Variants in RGS6 observed in about 807,000 individuals in gnomAD.
RGS6 encodes regulator of G protein signaling 6.
A neutral mutation model predicts 78.5 loss-of-function variants in RGS6; 30 were observed. That is an observed-to-expected ratio of 0.38 (90% CI 0.29 to 0.52). The LOEUF (loss-of-function observed/expected upper bound fraction) is 0.52. RGS6 is among the 20% of genes least tolerant of loss of function. RGS6 has a pLI of 0.85. For missense variants in RGS6, 495 were observed against 609.7 expected (o/e 0.81, Z 1.98); for synonymous variants, 206 against 206.0 (o/e 1.00, Z 0.00).
the RGS6 span, among the ~76,000 whole-genome samples, chr14:71,909,191 G>A: frequency 6.6e-5 from 10 of 152,188 alleles, no homozygotes; most frequent in East Asian, 1.9e-3. Context: ...AGAAAGGATG[G>A]CGTGTTCCTC....
At position 72,071,368 on chromosome 14, in the gene RGS6, A is replaced by G. The variant is rs1029584316; in HGVS notation, c.84+106493A>G. Among the ~76,000 whole-genome samples, 10 of 152,218 alleles carry G rather than the reference A, an allele frequency of 6.6e-5. No homozygotes were observed. In the South Asian group the frequency reaches 1.2e-3, roughly 19 times the overall value. On this transcript the variant is annotated intron_variant, in intron 2 of 17. Transcript: ENST00000553525. ...GTTTTGCTGCTAAGAACACTCTCGT[A>G]CATGTCTTCTGGTGCATTGTCCAGG...
chr14:72,241,783 C>A (rs2052911428), intron 2 of RGS6, among the ~76,000 whole-genome samples: 1 of 152,190 alleles, frequency 6.6e-6, no homozygotes, highest in Admixed American at 6.5e-5. Flanking sequence ...TGCCTAAAGG[C>A]ATGAACATTG....
At chr14:72,291,340 A>G (rs1344690757) in intron 2 of RGS6, among the ~76,000 whole-genome samples, 1 of 151,812 alleles carries the variant, frequency 6.6e-6, no homozygotes, top group African/African-American at 2.4e-5. Flanking sequence ...AGGAAATTCT[A>G]TTAGTTCTTC....
At chr14:72,518,710 G>A (rs1439478313) in intron 15 of RGS6, among the ~76,000 whole-genome samples, 173 bp downstream of exon 15, 3 of 152,200 alleles carry the variant, frequency 2.0e-5, no homozygotes, top group Non-Finnish European at 2.9e-5. Context: ...TCCCAGGATC[G>A]TTTTCCTAGA....
intron 15 of RGS6, among the ~76,000 whole-genome samples, chr14:72,520,169 C>G (rs564633218): frequency 1.3e-5 from 2 of 152,098 alleles, no homozygotes; most frequent in Non-Finnish European, 2.9e-5. Flanking sequence ...AAAAAAAGAT[C>G]CTTTTGTTTT....
chr14:72,077,929 A>G (rs2094646148), intron 2 of RGS6, among the ~76,000 whole-genome samples: 2 of 152,172 alleles, frequency 1.3e-5, no homozygotes, highest in South Asian at 2.1e-4. Context: ...GTACATTCAG[A>G]TTCTCAAGAA....
intron 6 of RGS6, chr14:72,464,722 G>A (rs1360500727): frequency 1.3e-5 from 2 of 152,222 alleles, no homozygotes; most frequent in African/African-American, 4.8e-5. Context: ...GGAAAGGTAG[G>A]GAGAAGAAGT....
At chr14:72,462,614 G>A (rs763236556) in intron 6 of RGS6, among the ~76,000 whole-genome samples, 9 of 152,180 alleles carry the variant, frequency 5.9e-5, no homozygotes, top group Admixed American at 1.3e-4. Flanking sequence ...GATTTTTCCA[G>A]CACCTAAAAC....
Position 72,565,897 on chromosome 14 carries a change from T to A in RGS6, c.*3430T>A, listed in dbSNP as rs2097707899. The A allele has an allele frequency of 1.3e-5, 2 of 152,142 alleles. No individual in the cohort carries two copies. The highest frequency in any genetic ancestry group is 4.2e-4 in the South Asian group (2 of 4,812). The allele number at this position is 152,142 out of a possible 1,614,324, so 9.4% of individuals were successfully genotyped here. A position where few individuals can be genotyped will look rare whatever the true frequency, so the allele number is the denominator to read the frequency against. ...GGGAAAGGATTAAGGGCTCTCTTCCTTTGGGCCCTGCAGAATGTATTGGAG... is the reference window on the plus strand; with the variant it reads ...GGGAAAGGATTAAGGGCTCTCTTCCATTGGGCCCTGCAGAATGTATTGGAG... On this transcript the variant is annotated 3_prime_UTR_variant, in exon 18 of 18. Coordinates refer to ENST00000553525, the MANE Select transcript of RGS6 (RefSeq NM_001204424.2).
rs181131995 is a variant in RGS6 at position 72,220,849 on chromosome 14, G to C, written c.85-131246G>C. Among the ~76,000 whole-genome samples the C allele has an allele frequency of 2.3e-3, 356 of 152,282 alleles. 3 individuals carry two copies. The highest frequency in any genetic ancestry group is 0.01 in the Middle Eastern group (3 of 294). ...GAATTACAGGCTGCATTGAAAGATT[G>C]GCTGTGTTTCTTAAGTGAAATTTAG... On this transcript the variant is annotated intron_variant, in intron 2 of 17. Transcript: ENST00000553525.
At chr14:72,015,132 A>AT (rs1193565370) in intron 2 of RGS6, among the ~76,000 whole-genome samples, 1 of 152,208 alleles carries the variant, frequency 6.6e-6, no homozygotes, top group East Asian at 1.9e-4. Context: ...TGGTGCCAGC[A>AT]TCTGCTTCTG....
chr14:72,230,726 C>T (rs895179492), intron 2 of RGS6, among the ~76,000 whole-genome samples: 3 of 152,278 alleles, frequency 2.0e-5, no homozygotes, highest in East Asian at 1.9e-4. Flanking sequence ...TCTTCTTCCT[C>T]GGGGAAACCT....
At chr14:72,622,416 A>G in the RGS6 span, among the ~76,000 whole-genome samples, 3 of 152,206 alleles carry the variant, frequency 2.0e-5, no homozygotes, top group African/African-American at 4.8e-5. Flanking sequence ...CTACAGGACA[A>G]TTTGATTTAG....
At chr14:72,605,710 C>G in the RGS6 span, among the ~76,000 whole-genome samples, 1 of 152,144 alleles carries the variant, frequency 6.6e-6, no homozygotes, top group Non-Finnish European at 1.5e-5. Flanking sequence ...TCCCTCTGCT[C>G]TTCTTAAGAG....
In RGS6 at chr14:72,080,450, C is replaced by A. The variant is rs1484045923; in HGVS notation, c.84+115575C>A. ...TTAATCCCTATCAGATTATGATTTG[C>A]AAATATATTCTCCCATTCTATAGAT... is the stretch of plus-strand genomic sequence containing the variant. On this transcript the variant is annotated intron_variant, in intron 2 of 17. Coordinates refer to ENST00000553525, the MANE Select transcript of RGS6 (RefSeq NM_001204424.2). 2.0e-5 allele frequency among the ~76,000 whole-genome samples: 3 copies of A among 152,202 alleles called. No homozygotes were observed. The East Asian group carries it at 5.8e-4, about 29-fold the overall frequency.
chr14:72,507,599 C>A (rs2153440065), intron 13 of RGS6, among the ~76,000 whole-genome samples: 1 of 152,338 alleles, frequency 6.6e-6, no homozygotes, highest in East Asian at 1.9e-4. Flanking sequence ...CCCAAGATTT[C>A]TGGCCCACTC....
the RGS6 span, among the ~76,000 whole-genome samples, chr14:71,896,276 G>T: frequency 1.3e-5 from 2 of 152,166 alleles, no homozygotes; most frequent in South Asian, 2.1e-4. Flanking sequence ...GAGCAGCCCC[G>T]AGGGCTGCTG....
the RGS6 span, among the ~76,000 whole-genome samples, chr14:71,910,423 C>T: frequency 4.5e-4 from 68 of 152,300 alleles, no homozygotes; most frequent in Admixed American, 1.2e-3. Flanking sequence ...TCTCTTTGTC[C>T]TGTCATTTCT....
chr14:72,620,080 G>A, the RGS6 span: 6 of 1,283,568 alleles, frequency 4.7e-6, no homozygotes, highest in Non-Finnish European at 6.2e-6. Flanking sequence ...TTTCCACGTC[G>A]GTCTCACTGG....
Sources: allele counts gnomAD v4.1 joint callset (sites outside exome capture counted in the v4.1 genomes callset), GRCh38; gene constraint gnomAD v4.1.1; transcripts MANE v1.5; gene names NCBI Gene and HGNC (gene_info 2026-07-23, HGNC 2026-07-21).